The following CDH18 variants were observed in gnomAD, a reference collection of about 807,000 sequenced individuals.
The protein encoded by CDH18 is cadherin-18.
A neutral mutation model predicts 67.9 loss-of-function variants in CDH18; 31 were observed. That is an observed-to-expected ratio of 0.46 (90% CI 0.34 to 0.62). The LOEUF (loss-of-function observed/expected upper bound fraction) is 0.62, where lower values mean the gene tolerates loss of function less well. Ranked by LOEUF, CDH18 falls within the 20% of genes least tolerant of loss-of-function variation. The pLI, the probability that CDH18 is intolerant of heterozygous loss-of-function variation, is 0.01. For synonymous variants in CDH18, 362 were observed against 347.2 expected (o/e 1.04, Z -0.48); for missense variants, 890 against 975.5 (o/e 0.91, Z 1.17).
rs571842408 is a variant in CDH18, at chr5:20,016,115, T to C, written c.-517-24101A>G. On this transcript the variant is annotated intron_variant, in intron 2 of 14. Transcript: ENST00000507958. ...ACAAAAATGTGGTACTTATACACCATAGAATACTATGCAGCCATAAAAAGA... is the reference window on the plus strand; with the variant it reads ...ACAAAAATGTGGTACTTATACACCACAGAATACTATGCAGCCATAAAAAGA... Among the ~76,000 whole-genome samples, 9 of 152,222 alleles carry C rather than the reference T, an allele frequency of 5.9e-5. No homozygotes were observed. The East Asian group carries it at 1.5e-3, about 26-fold the overall frequency.
intron 2 of CDH18, among the ~76,000 whole-genome samples, chr5:19,858,325 G>A (rs1380054511): frequency 3.3e-5 from 5 of 152,256 alleles, no homozygotes; most frequent in Admixed American, 6.5e-5. Context: ...ACAGCCTTCA[G>A]AGCTCTTATC....
At chr5:20,517,206 T>C (rs1755431638) in intron 1 of CDH18, among the ~76,000 whole-genome samples, 1 of 151,788 alleles carries the variant, frequency 6.6e-6, no homozygotes, top group African/African-American at 2.4e-5. Context: ...TAACAATTTA[T>C]TATGAAATTA....
At chr5:20,508,480 TAG>T (rs980685015) in intron 1 of CDH18, among the ~76,000 whole-genome samples, 13 of 151,088 alleles carry the variant, frequency 8.6e-5, no homozygotes, top group Admixed American at 6.6e-4. Context: ...TATAATTAAG[TAG>T]AGTTTATTTT....
At chr5:19,481,392 T>C (rs1739397317) in intron 12 of CDH18, among the ~76,000 whole-genome samples, 1 of 152,188 alleles carries the variant, frequency 6.6e-6, no homozygotes, top group South Asian at 2.1e-4. Context: ...CCATTGAAAG[T>C]ACCTAGATAT....
At chr5:19,713,836 G>T (rs761725294) in intron 5 of CDH18, among the ~76,000 whole-genome samples, 7 of 152,050 alleles carry the variant, frequency 4.6e-5, no homozygotes, top group Non-Finnish European at 8.8e-5. Flanking sequence ...CACTGAAACT[G>T]TAAAGTGGTT....
At chr5:20,162,000 G>A (rs1166205427) in intron 2 of CDH18, among the ~76,000 whole-genome samples, 1 of 151,888 alleles carries the variant, frequency 6.6e-6, no homozygotes, top group East Asian at 1.9e-4. Context: ...TCTTGGACCA[G>A]CAAGAGATGA....
At chr5:20,364,464 T>G (rs1742353530) in intron 1 of CDH18, among the ~76,000 whole-genome samples, 1 of 152,226 alleles carries the variant, frequency 6.6e-6, no homozygotes, top group African/African-American at 2.4e-5. Flanking sequence ...AAGAATGTAC[T>G]TTGTGCAATC....
intron 3 of CDH18, among the ~76,000 whole-genome samples, chr5:19,756,482 G>T (rs1771616823): frequency 6.6e-6 from 1 of 152,100 alleles, no homozygotes; most frequent in Admixed American, 6.5e-5. Flanking sequence ...TCCTGAGAGG[G>T]GCTGTTGTAG....
At chr5:20,085,949 C>T (rs563983360) in intron 2 of CDH18, among the ~76,000 whole-genome samples, 27 of 152,224 alleles carry the variant, frequency 1.8e-4, no homozygotes, top group Admixed American at 5.9e-4. Flanking sequence ...TCACTTTCAA[C>T]CAAAAGCTAG....
At chr5:19,959,649 T>C (rs1259013837) in intron 2 of CDH18, among the ~76,000 whole-genome samples, 5 of 152,080 alleles carry the variant, frequency 3.3e-5, no homozygotes, top group Non-Finnish European at 5.9e-5. Flanking sequence ...CCATATTGAG[T>C]GCTGTATCTT....
rs563761263 is a variant in CDH18, at chr5:19,574,894, C to T, written c.1000-3062G>A. Among the ~76,000 whole-genome samples, 19 of 152,138 alleles carry T rather than the reference C, an allele frequency of 1.2e-4. No individual in the cohort carries two copies. The South Asian group carries it at 3.9e-3, about 32-fold the overall frequency. Reference sequence around the variant, plus strand: ...TCTTTACTAAAAATACAAAAATTAGCCGGGTGTGGTTGTGCACGCCTGTAG... The same window carrying T: ...TCTTTACTAAAAATACAAAAATTAGTCGGGTGTGGTTGTGCACGCCTGTAG... On this transcript the variant is annotated intron_variant, in intron 7 of 12. Coordinates refer to ENST00000382275, the MANE Select transcript of CDH18 (RefSeq NM_004934.5).
intron 2 of CDH18, among the ~76,000 whole-genome samples, chr5:19,873,589 C>T (rs1786574888): frequency 6.6e-6 from 1 of 152,044 alleles, no homozygotes; most frequent in Admixed American, 6.5e-5. Flanking sequence ...CTTTGGAAAC[C>T]TAAGTTAAAA....
At chr5:19,663,470 T>G (rs1757471046) in intron 5 of CDH18, among the ~76,000 whole-genome samples, 1 of 151,974 alleles carries the variant, frequency 6.6e-6, no homozygotes, top group Non-Finnish European at 1.5e-5. Flanking sequence ...CATCTATATT[T>G]TTAGCTTGCT....
In CDH18 at chr5:19,510,966, C is replaced by T. The variant is rs577012241; in HGVS notation, c.1513-7857G>A. ...AGCTGGGATTACAAGCACCTGCCAC[C>T]ATGCCTAGCTAATTTTTTGTATTTT... is the stretch of plus-strand genomic sequence containing the variant. On this transcript the variant is annotated intron_variant, in intron 10 of 12. Transcript: ENST00000382275. Among the ~76,000 whole-genome samples, 25 of 152,176 alleles carry T rather than the reference C, an allele frequency of 1.6e-4. No homozygotes were observed. The South Asian group carries it at 5.0e-3, about 30-fold the overall frequency.
At chr5:19,501,050 T>G (rs932199142) in intron 11 of CDH18, among the ~76,000 whole-genome samples, 1 of 151,630 alleles carries the variant, frequency 6.6e-6, no homozygotes, top group Non-Finnish European at 1.5e-5. Flanking sequence ...GGAGAATCGC[T>G]TGGACCCAGG....
Position 19,657,297 on chromosome 5 carries a change from T to G in CDH18, c.644-44696A>C, listed in dbSNP as rs190565047. ...AAATAATCATTTAACATTCAAAGTTTTAAAATCAATTAATCTGTATTATGT... is the reference window on the plus strand; with the variant it reads ...AAATAATCATTTAACATTCAAAGTTGTAAAATCAATTAATCTGTATTATGT... On this transcript the variant is annotated intron_variant, in intron 5 of 12. Coordinates refer to ENST00000382275, the MANE Select transcript of CDH18 (RefSeq NM_004934.5). Among the ~76,000 whole-genome samples the G allele has an allele frequency of 4.4e-3, 667 of 152,222 alleles. 6 individuals are homozygous for G. The highest frequency in any genetic ancestry group is 0.015 in the African/African-American group (638 of 41,564).
At chr5:20,255,158 G>GA (rs917940763) in intron 2 of CDH18, among the ~76,000 whole-genome samples, 5 of 152,026 alleles carry the variant, frequency 3.3e-5, no homozygotes, top group Non-Finnish European at 7.4e-5. Context: ...AGGATGGGTT[G>GA]AAAAACCACT....
At chr5:20,212,824 C>T (rs773403091) in intron 2 of CDH18, among the ~76,000 whole-genome samples, 1 of 152,008 alleles carries the variant, frequency 6.6e-6, no homozygotes, top group Admixed American at 6.6e-5. Context: ...TGATGAGGAC[C>T]TTGCTCTGTA....
At chr5:19,495,736 A>AG (rs1742209588) in intron 11 of CDH18, among the ~76,000 whole-genome samples, 2 of 148,388 alleles carry the variant, frequency 1.3e-5, no homozygotes, top group African/African-American at 5.0e-5. Context: ...AAAAAAAAAA[A>AG]AAAAAAGAAA....
Sources: allele counts gnomAD v4.1 joint callset (sites outside exome capture counted in the v4.1 genomes callset), GRCh38; gene constraint gnomAD v4.1.1; transcripts MANE v1.5; gene names NCBI Gene and HGNC (gene_info 2026-07-23, HGNC 2026-07-21).